Variants in SCAPER observed in about 807,000 individuals in gnomAD.
The protein encoded by SCAPER is S-phase cyclin A associated protein in the ER.
In SCAPER, 98 loss-of-function variants were observed where a neutral mutation model predicts 182.2. The ratio of observed to expected loss-of-function variants is 0.54; its 90% confidence interval spans 0.46 to 0.64. SCAPER has a LOEUF of 0.64. Among genes scored for constraint, SCAPER ranks in the 30% least tolerant of loss-of-function variants. The pLI is 0.00. For synonymous variants in SCAPER, 605 were observed against 564.6 expected (o/e 1.07, Z -1.01); for missense variants, 1,432 against 1,690.0 (o/e 0.85, Z 2.68).
rs200281394 is a variant in SCAPER at position 76,351,898 on chromosome 15, TAAAC to T, written c.4048-614_4048-611del. Among the ~76,000 whole-genome samples the T allele has an allele frequency of 1.3e-3, 194 of 152,322 alleles. 8 individuals carry two copies. In the East Asian group the frequency reaches 0.031, roughly 24 times the overall value. On this transcript the variant is annotated intron_variant, in intron 30 of 31. Transcript: ENST00000563290. Reference sequence around the variant, plus strand: ...TACAAGTCTAATATGCTATCTGAAATAAACAATATAAGAAATTTTTTTTAGCATT... The same window carrying T: ...TACAAGTCTAATATGCTATCTGAAATAATATAAGAAATTTTTTTTAGCATT...
intron 23 of SCAPER, among the ~76,000 whole-genome samples, chr15:76,568,417 G>A (rs1195053990): frequency 2.6e-5 from 4 of 151,832 alleles, no homozygotes; most frequent in Non-Finnish European, 4.4e-5. Flanking sequence ...GTGCAGTGGC[G>A]CGATCTTGGC....
At chr15:76,366,765 G>A (rs1448574432) in intron 29 of SCAPER, among the ~76,000 whole-genome samples, 1 of 152,192 alleles carries the variant, frequency 6.6e-6, no homozygotes, top group East Asian at 1.9e-4. Flanking sequence ...GGTGAGTGGA[G>A]ATTCTCCTTC....
chr15:76,569,420 T>C (rs984047668), intron 23 of SCAPER, among the ~76,000 whole-genome samples: 5 of 152,196 alleles, frequency 3.3e-5, no homozygotes, highest in Admixed American at 3.3e-4. Flanking sequence ...TATTAGATAT[T>C]GCATGATTCA....
intron 5 of SCAPER, among the ~76,000 whole-genome samples, chr15:76,837,360 G>T (rs560014667): frequency 6.6e-6 from 1 of 152,274 alleles, no homozygotes; most frequent in African/African-American, 2.4e-5. Context: ...AGGTTTAACT[G>T]ACTCAGTTCA....
At chr15:76,373,896 A>ATT (rs796315925) in intron 29 of SCAPER, among the ~76,000 whole-genome samples, 5 of 142,058 alleles carry the variant, frequency 3.5e-5, no homozygotes, top group African/African-American at 1.3e-4. Context: ...GGCCTGCCTT[A>ATT]TTTTTTTTTT....
chr15:76,623,041 T>C (rs1305167910), intron 21 of SCAPER, among the ~76,000 whole-genome samples: 1 of 152,184 alleles, frequency 6.6e-6, no homozygotes. Context: ...TGGCTGACTG[T>C]ATGTCTTCTT....
intron 23 of SCAPER, among the ~76,000 whole-genome samples, chr15:76,549,748 A>AG (rs1597339523): frequency 1.0e-4 from 1 of 9,746 alleles, no homozygotes; most frequent in East Asian, 0.018. Context: ...AAGTGTAAAA[A>AG]CAAAAAAAAG....
intron 29 of SCAPER, among the ~76,000 whole-genome samples, chr15:76,368,394 A>G (rs1310712906): frequency 1.3e-5 from 2 of 152,238 alleles, no homozygotes; most frequent in East Asian, 3.8e-4. Context: ...GTGGGGAAAC[A>G]CCCGAGGTGA....
chr15:76,636,470 A>AC (rs2053614098), intron 21 of SCAPER, among the ~76,000 whole-genome samples: 1 of 152,104 alleles, frequency 6.6e-6, no homozygotes, highest in South Asian at 2.1e-4. Context: ...AAAAAAAAAA[A>AC]AAATCTCTCA....
intron 23 of SCAPER, among the ~76,000 whole-genome samples, chr15:76,546,794 T>C (rs2045331222): frequency 6.6e-6 from 1 of 152,154 alleles, no homozygotes; most frequent in South Asian, 2.1e-4. Context: ...AGTATTTGTC[T>C]TGTTTATCAT....
intron 25 of SCAPER, among the ~76,000 whole-genome samples, chr15:76,470,485 C>A (rs1483216758): frequency 6.6e-6 from 1 of 152,144 alleles, no homozygotes; most frequent in Non-Finnish European, 1.5e-5. Flanking sequence ...GGAAGAGTTA[C>A]TAGAACTGTG....
At chr15:76,477,949 G>GT (rs1214123948) in intron 24 of SCAPER, among the ~76,000 whole-genome samples, 13 of 146,710 alleles carry the variant, frequency 8.9e-5, no homozygotes, top group Non-Finnish European at 1.1e-4. Context: ...TTTTTTTTTA[G>GT]TTTTTTTTGG....
intron 16 of SCAPER, among the ~76,000 whole-genome samples, chr15:76,730,148 C>T (rs906115744): frequency 2.0e-5 from 3 of 152,066 alleles, no homozygotes; most frequent in African/African-American, 7.2e-5. Context: ...AATTTCTGTT[C>T]AGGGAACACA....
chr15:76,857,707 T>C lies in SCAPER; in HGVS notation c.195+102A>G, dbSNP rs1434061258. On this transcript the variant is annotated intron_variant, in intron 4 of 31. Coordinates refer to ENST00000563290, the MANE Select transcript of SCAPER (RefSeq NM_020843.4). Reference sequence around the variant, plus strand: ...AAAGTACATTAAATTTTTATTTAGATAAATAATATTCAAATCCTGCAAAAT... The same window carrying C: ...AAAGTACATTAAATTTTTATTTAGACAAATAATATTCAAATCCTGCAAAAT... 6 of 771,008 alleles carry C rather than the reference T, an allele frequency of 7.8e-6. No individual in the cohort carries two copies. The East Asian group carries it at 1.7e-4, about 22-fold the overall frequency. The allele number at this position is 771,008 out of a possible 1,614,324, so 47.8% of individuals were successfully genotyped here. A position where few individuals can be genotyped will look rare whatever the true frequency, so the allele number is the denominator to read the frequency against.
At chr15:76,817,267 T>C (rs1260448065) in intron 5 of SCAPER, among the ~76,000 whole-genome samples, 1 of 152,144 alleles carries the variant, frequency 6.6e-6, no homozygotes, top group Non-Finnish European at 1.5e-5. Context: ...TTTGCAACAA[T>C]ATGAATAAAC....
At chr15:76,653,198 C>A (rs915288483) in intron 21 of SCAPER, among the ~76,000 whole-genome samples, 1 of 151,770 alleles carries the variant, frequency 6.6e-6, no homozygotes, top group African/African-American at 2.4e-5. Context: ...TACAAAACTG[C>A]CGAAAAAAAA....
At chr15:76,672,357 C>T (rs2057082145) in intron 20 of SCAPER, among the ~76,000 whole-genome samples, 1 of 151,996 alleles carries the variant, frequency 6.6e-6, no homozygotes, top group African/African-American at 2.4e-5. Flanking sequence ...CAGAAGAAAA[C>T]AAATAAGCTG....
At chr15:76,397,285 T>A (rs2044132376) in intron 27 of SCAPER, among the ~76,000 whole-genome samples, 2 of 152,080 alleles carry the variant, frequency 1.3e-5, no homozygotes, top group South Asian at 4.1e-4. Context: ...TTAGTTTTCT[T>A]TTTTCCATGT....
chr15:76,876,458 TAC>T (rs2073173028), intron 2 of SCAPER, among the ~76,000 whole-genome samples: 2 of 117,354 alleles, frequency 1.7e-5, no homozygotes, highest in African/African-American at 6.6e-5. Context: ...AAAAAAAAAA[TAC>T]ACACACATTT....
Sources: allele counts gnomAD v4.1 joint callset (sites outside exome capture counted in the v4.1 genomes callset), GRCh38; gene constraint gnomAD v4.1.1; transcripts MANE v1.5; gene names NCBI Gene and HGNC (gene_info 2026-07-23, HGNC 2026-07-21).